PCDHGB3: variants seen among roughly 807,000 people sequenced by gnomAD.
The protein encoded by PCDHGB3 is protocadherin gamma subfamily B, 3, also known as protocadherin gamma-B3.
A neutral mutation model predicts 59.2 loss-of-function variants in PCDHGB3; 40 were observed. The observed-to-expected ratio is 0.68, with a 90% CI of 0.52 to 0.88. PCDHGB3 has a LOEUF of 0.88. PCDHGB3 is among the 40% of genes least tolerant of loss of function. PCDHGB3 has a pLI of 0.00. For synonymous variants in PCDHGB3, 581 were observed against 503.6 expected (o/e 1.15, Z -2.06); for missense variants, 1,309 against 1,187.9 (o/e 1.10, Z -1.50).
At chr5:141,394,637 G>C (rs201732776) in intron 1 of PCDHGB3, 4 of 1,613,464 alleles carry the variant, frequency 2.5e-6, no homozygotes, top group African/African-American at 1.3e-5. Flanking sequence ...CCTACCGCCT[G>C]CTCAAGGCCA....
intron 2 of PCDHGB3, among the ~76,000 whole-genome samples, chr5:141,498,872 G>T (rs912789877): frequency 1.4e-4 from 21 of 151,650 alleles, no homozygotes; most frequent in Non-Finnish European, 2.9e-4. Flanking sequence ...GGCGGAGGTT[G>T]CAGTGAGCTG....
chr5:141,497,919 T>G (rs762168347), intron 2 of PCDHGB3, among the ~76,000 whole-genome samples: 11 of 152,206 alleles, frequency 7.2e-5, no homozygotes, highest in Non-Finnish European at 1.6e-4. Flanking sequence ...TCTCCTTCAT[T>G]CATTCAACAA....
Position 141,477,898 on chromosome 5 carries a change from A to G in PCDHGB3, c.2416-16909A>G. 1 of 1,614,158 alleles carries G rather than the reference A, an allele frequency of 6.2e-7. No homozygotes were observed. Among genetic ancestry groups the G allele is most frequent in the Middle Eastern group, 1.6e-4 (1 of 6,062 alleles). ...CTGGCCACCTAGTGTCACGGGTGGTAGGCTGGGACGCGGATGCAGGGCACA... is the reference window on the plus strand; with the variant it reads ...CTGGCCACCTAGTGTCACGGGTGGTGGGCTGGGACGCGGATGCAGGGCACA... On this transcript the variant is annotated intron_variant, in intron 1 of 3. Coordinates refer to ENST00000576222, the MANE Select transcript of PCDHGB3 (RefSeq NM_018924.5). This position sits in a 1 kb window ranked among gnomAD's most constrained non-coding sequence, Gnocchi z 4.9.
At chr5:141,426,639 AATGTGATGATAGAAGATATAAATG>A (rs1418104928) in intron 1 of PCDHGB3, 1 of 407,642 alleles carries the variant, frequency 2.5e-6, no homozygotes, top group Non-Finnish European at 5.0e-6. Context: ...TTTTCACATA[AATGTGATGATAGAAGATATAAATG>A]ATAACCCACC....
Position 141,470,005 on chromosome 5 carries a change from T to A in PCDHGB3, c.2416-24802T>A, listed in dbSNP as rs189976589. Reference sequence around the variant, plus strand: ...AATTAGCTGGTCGTCGTGGCACGCCTGTAATCCCAGCTACTCGGGATGCTG... The same window carrying A: ...AATTAGCTGGTCGTCGTGGCACGCCAGTAATCCCAGCTACTCGGGATGCTG... On this transcript the variant is annotated intron_variant, in intron 1 of 3. Coordinates refer to ENST00000576222, the MANE Select transcript of PCDHGB3 (RefSeq NM_018924.5). 2.4e-4 allele frequency among the ~76,000 whole-genome samples: 37 copies of A among 152,254 alleles called. 2 individuals carry two copies. The highest frequency in any genetic ancestry group is 7.2e-4 in the Admixed American group (11 of 15,274).
At chr5:141,492,189 G>C (rs2099737936) in intron 1 of PCDHGB3, among the ~76,000 whole-genome samples, 1 of 152,204 alleles carries the variant, frequency 6.6e-6, no homozygotes, top group Non-Finnish European at 1.5e-5. Context: ...GCACCTGTCT[G>C]CGGGACTTAG....
At position 141,485,142 on chromosome 5, in the gene PCDHGB3, A is replaced by C. The variant is rs979255582; in HGVS notation, c.2416-9665A>C. 5 of 1,554,566 alleles carry C rather than the reference A, an allele frequency of 3.2e-6. No homozygotes were observed. The highest frequency in any genetic ancestry group is 3.5e-6 in the Non-Finnish European group (4 of 1,131,592). On this transcript the variant is annotated intron_variant, in intron 1 of 3. Transcript: ENST00000576222. The surrounding 1 kb of genome is among the most constrained non-coding windows in gnomAD (Gnocchi z 5.7). ...GGCGGGTCGGCTTCATCCGCGTCTC[A>C]GGAGCAAGTAGAGAATTAGCGGGCG... is the stretch of plus-strand genomic sequence containing the variant.
chr5:141,409,188 C>T lies in PCDHGB3; in HGVS notation c.2415+36379C>T, dbSNP rs1487313582. ...GCGAAGGACGGAGGTGGTCTCTCTA[C>T]CCAGTGTAAAGTAATCATAGAAATC... On this transcript the variant is annotated intron_variant, in intron 1 of 3. Transcript: ENST00000576222. 9 of 1,613,880 alleles carry T rather than the reference C, an allele frequency of 5.6e-6. No homozygotes were observed. In the Admixed American group the frequency reaches 8.3e-5, roughly 15 times the overall value.
Position 141,383,152 on chromosome 5 carries a change from G to T in PCDHGB3, c.2415+10343G>T, listed in dbSNP as rs200500982. ...CCTGAACCAGCGCAGCGGCAGCTTG[G>T]TCACTGCGGGCAGGATAGACCGGGA... On this transcript the variant is annotated intron_variant, in intron 1 of 3. Coordinates refer to ENST00000576222, the MANE Select transcript of PCDHGB3 (RefSeq NM_018924.5). 3.1e-6 allele frequency: 5 copies of T among 1,614,006 alleles called. No homozygotes were observed. In the African/African-American group the frequency reaches 6.7e-5, roughly 22 times the overall value.
intron 1 of PCDHGB3, chr5:141,478,523 G>A: frequency 1.2e-6 from 2 of 1,609,908 alleles, no homozygotes; most frequent in Non-Finnish European, 1.7e-6. Flanking sequence ...GGTGTTGGGT[G>A]CAGAGAGCGC....
Position 141,372,280 on chromosome 5 carries a change from C to A in PCDHGB3, c.1886C>A (p.Ala629Glu). 1.2e-6 allele frequency: 2 copies of A among 1,613,164 alleles called. No individual in the cohort carries two copies. The highest frequency in any genetic ancestry group is 1.7e-6 in the Non-Finnish European group (2 of 1,179,840). The change falls in exon 1 of 4, where the codon GCG (alanine) becomes GAG (glutamate). Residue 629 changes from alanine to glutamate, a missense_variant. By Grantham distance (107) the Ala-to-Glu change is moderately radical (BLOSUM62 -1). Transcript: ENST00000576222. ...CTGCGCACGGGTGAGGTGCGCACGGCGCGTACCTTGGGCGACAGGGAGGCC... is the reference window on the plus strand; with the variant it reads ...CTGCGCACGGGTGAGGTGCGCACGGAGCGTACCTTGGGCGACAGGGAGGCC... ...LGLRTGEVRT[A>E]RTLGDREAAR...
chr5:141,390,388 G>C, intron 1 of PCDHGB3: 1 of 1,423,474 alleles, frequency 7.0e-7, no homozygotes, highest in Admixed American at 2.1e-5. Context: ...TAGATGTCAT[G>C]GATCATTTTA....
chr5:141,394,962 A>G (rs971000405), intron 1 of PCDHGB3: 8 of 1,613,710 alleles, frequency 5.0e-6, no homozygotes, highest in Non-Finnish European at 6.8e-6. Context: ...GCTCAGGCTG[A>G]GGCGCTGGCA....
chr5:141,383,235 T>C (rs1205858909), intron 1 of PCDHGB3: 2 of 1,613,838 alleles, frequency 1.2e-6, no homozygotes, highest in Admixed American at 3.3e-5. Flanking sequence ...TGATGGAAGA[T>C]AAAATGAATC....
Position 141,431,559 on chromosome 5 carries a change from C to A in PCDHGB3, c.2415+58750C>A. On this transcript the variant is annotated intron_variant, in intron 1 of 3. Coordinates refer to ENST00000576222, the MANE Select transcript of PCDHGB3 (RefSeq NM_018924.5). The surrounding 1 kb of genome is among the most constrained non-coding windows in gnomAD (Gnocchi z 4.8). ...ACGCAGCTGCTTGTAGTCAACGCTA[C>A]CGACCCTGACGAAGGAGTCAATGCG... is the stretch of plus-strand genomic sequence containing the variant. 6.2e-7 allele frequency: 1 copy of A among 1,614,158 alleles called. No homozygotes were observed. The highest frequency in any genetic ancestry group is 8.5e-7 in the Non-Finnish European group (1 of 1,180,030).
chr5:141,372,196 A>G lies in PCDHGB3; in HGVS notation c.1802A>G (p.Asn601Ser), dbSNP rs1362728407. ...VVAVDADSGY[N>S]AWLSYHIVQA... is the part of the protein sequence containing the mutation. ...GCGGTGGACGCAGACTCGGGATACA[A>G]CGCCTGGCTGTCCTACCACATTGTG... The change falls in exon 1 of 4, where the codon AAC becomes AGC. Residue 601 changes from asparagine (N) to serine (S), a missense_variant. Asn to Ser is a conservative substitution (Grantham distance 46). Coordinates refer to ENST00000576222, the MANE Select transcript of PCDHGB3 (RefSeq NM_018924.5). 8 of 1,613,504 alleles carry G rather than the reference A, an allele frequency of 5.0e-6. No individual in the cohort carries two copies. The East Asian group carries it at 1.3e-4, about 27-fold the overall frequency.
At chr5:141,408,851 G>C in intron 1 of PCDHGB3, 1 of 1,613,574 alleles carries the variant, frequency 6.2e-7, no homozygotes, top group Non-Finnish European at 8.5e-7. Flanking sequence ...TGCCTTGGAC[G>C]GAGGGGACCC....
Position 141,485,048 on chromosome 5 carries a change from C to T in PCDHGB3, c.2416-9759C>T. ...AAACGGCGCGTAACCCTTGCGGCGC[C>T]GGCCGAACCGCGCCAGAGCTGGCGC... On this transcript the variant is annotated intron_variant, in intron 1 of 3. Transcript: ENST00000576222. The surrounding 1 kb of genome is among the most constrained non-coding windows in gnomAD (Gnocchi z 5.7). 1 of 770,392 alleles carries T rather than the reference C, an allele frequency of 1.3e-6. No individual in the cohort carries two copies. Among genetic ancestry groups the T allele is most frequent in the South Asian group, 1.7e-5 (1 of 58,120 alleles). 47.7% of individuals were successfully genotyped at this position (770,392 alleles called of 1,614,324 possible). A position where few individuals can be genotyped will look rare whatever the true frequency, so the allele number is the denominator to read the frequency against.
intron 1 of PCDHGB3, among the ~76,000 whole-genome samples, chr5:141,468,131 C>A (rs1006565854): frequency 1.3e-5 from 2 of 151,650 alleles, no homozygotes; most frequent in South Asian, 4.2e-4. Context: ...TTGAGACCAG[C>A]CTGGCCAACA....
Sources: allele counts gnomAD v4.1 joint callset (sites outside exome capture counted in the v4.1 genomes callset), GRCh38; gene constraint gnomAD v4.1.1; non-coding constraint Gnocchi (gnomAD v3.1); transcripts MANE v1.5; gene names NCBI Gene and HGNC (gene_info 2026-07-23, HGNC 2026-07-21).